PTPN4: variants seen among roughly 807,000 people sequenced by gnomAD.
PTPN4 encodes protein tyrosine phosphatase non-receptor type 4, also known as tyrosine-protein phosphatase non-receptor type 4.
In PTPN4, 49 loss-of-function variants were observed where a neutral mutation model predicts 135.5. The observed-to-expected ratio is 0.36, with a 90% CI of 0.29 to 0.46. The LOEUF is 0.46. PTPN4 is among the 20% of genes least tolerant of loss of function. The probability of loss-of-function intolerance (pLI) is 1.00; values close to 1 mark genes in which losing one functional copy is unlikely to be tolerated. For synonymous variants in PTPN4, 333 were observed against 369.9 expected (o/e 0.90, Z 1.14); for missense variants, 860 against 1,101.0 (o/e 0.78, Z 3.10).
chr2:119,774,729 TAAG>T (rs1690799217), intron 1 of PTPN4, among the ~76,000 whole-genome samples: 1 of 151,612 alleles, frequency 6.6e-6, no homozygotes, highest in Non-Finnish European at 1.5e-5. Context: ...TAGGCACCCT[TAAG>T]AAAATCACTG....
rs551776904 is a variant in PTPN4 at position 119,948,394 on chromosome 2, A to G, written c.1656+1820A>G. Among the ~76,000 whole-genome samples, 21 of 152,252 alleles carry G rather than the reference A, an allele frequency of 1.4e-4. No individual in the cohort carries two copies. The East Asian group carries it at 3.9e-3, about 28-fold the overall frequency. ...CTTAACAGTCTTATAAACCTAGTCA[A>G]ATCTTTTAATGGTGTGATTTATAAC... On this transcript the variant is annotated intron_variant, in intron 18 of 26. Transcript: ENST00000263708.
In PTPN4 at chr2:119,984,209, T is replaced by G. The variant is rs1322966721; in HGVS notation, c.*7139T>G. Among the ~76,000 whole-genome samples, 4 of 152,228 alleles carry G rather than the reference T, an allele frequency of 2.6e-5. No individual in the cohort carries two copies. Among genetic ancestry groups the G allele is most frequent in the Admixed American group, 2.0e-4 (3 of 15,282 alleles). ...AGTGTAGGCTTAATTTTAGAACCGA[T>G]AATTTACTATATCTGCATTATTGAT... On this transcript the variant is annotated 3_prime_UTR_variant, in exon 27 of 27. Coordinates refer to ENST00000263708, the MANE Select transcript of PTPN4 (RefSeq NM_002830.4).
chr2:119,766,379 C>G (rs1392729561), intron 1 of PTPN4, among the ~76,000 whole-genome samples: 1 of 152,032 alleles, frequency 6.6e-6, no homozygotes, highest in East Asian at 1.9e-4. Context: ...TCACCTTCCT[C>G]TTTCTCTCTC....
At chr2:119,909,740 G>T (rs559772100) in intron 10 of PTPN4, among the ~76,000 whole-genome samples, 1 of 152,148 alleles carries the variant, frequency 6.6e-6, no homozygotes, top group Non-Finnish European at 1.5e-5. Context: ...ATGATTCATG[G>T]TAGAAGGTCA....
chr2:119,807,503 C>T (rs937145815), intron 1 of PTPN4, among the ~76,000 whole-genome samples: 2 of 152,162 alleles, frequency 1.3e-5, no homozygotes, highest in African/African-American at 4.8e-5. Flanking sequence ...TGGGCACATA[C>T]ACCCTCCCAA....
At chr2:119,836,078 AAAAAG>A (rs201724266) in intron 2 of PTPN4, among the ~76,000 whole-genome samples, 3,844 of 152,060 alleles carry the variant, frequency 0.025, 134 homozygotes, top group African/African-American at 0.077. Flanking sequence ...CAAAAAAAAA[AAAAAG>A]AAAGAAATAT....
intron 1 of PTPN4, among the ~76,000 whole-genome samples, chr2:119,760,733 CTTTT>C (rs59953430): frequency 0.026 from 2,076 of 79,866 alleles, 37 homozygotes; most frequent in African/African-American, 0.093. Context: ...GGTAGAATTC[CTTTT>C]TTTTTTTTTT....
At chr2:119,793,159 T>C (rs1282476345) in intron 1 of PTPN4, among the ~76,000 whole-genome samples, 1 of 152,174 alleles carries the variant, frequency 6.6e-6, no homozygotes, top group Admixed American at 6.5e-5. Context: ...GCGTGTTTCA[T>C]CCTTACCTAC....
chr2:119,792,118 C>T (rs570505480), intron 1 of PTPN4, among the ~76,000 whole-genome samples: 247 of 152,092 alleles, frequency 1.6e-3, no homozygotes, highest in Non-Finnish European at 2.7e-3. Context: ...GTAGAAAGTT[C>T]GATTTATGAT....
At chr2:119,905,225 G>A (rs952920546) in intron 10 of PTPN4, among the ~76,000 whole-genome samples, 6 of 152,038 alleles carry the variant, frequency 3.9e-5, no homozygotes, top group East Asian at 1.9e-4. Context: ...AAAGAAGACC[G>A]AATTCTATGC....
At chr2:119,965,469 A>G (rs754695715) in intron 24 of PTPN4, 28 bp from the exon 25 acceptor site, 2 of 1,580,982 alleles carry the variant, frequency 1.3e-6, no homozygotes, top group Non-Finnish European at 1.7e-6. Flanking sequence ...ACATAAGTCA[A>G]GGTGCATAAT....
At chr2:119,878,907 C>A (rs1439255584) in intron 5 of PTPN4, among the ~76,000 whole-genome samples, 4 of 151,618 alleles carry the variant, frequency 2.6e-5, no homozygotes, top group Non-Finnish European at 5.9e-5. Context: ...TCCTGGCTAA[C>A]ACGGTGAAAC....
rs549388165 is a variant in PTPN4 at position 119,906,454 on chromosome 2, G to A, written c.764+5648G>A. Among the ~76,000 whole-genome samples, 27 of 151,924 alleles carry A rather than the reference G, an allele frequency of 1.8e-4. No individual in the cohort carries two copies. The East Asian group carries it at 3.9e-3, about 22-fold the overall frequency. On this transcript the variant is annotated intron_variant, in intron 10 of 26. Coordinates refer to ENST00000263708, the MANE Select transcript of PTPN4 (RefSeq NM_002830.4). ...TACGTGAAAAAGAAACATTTTTCAC[G>A]TATCTACACGTGATCAAGTGGAGTT... is the stretch of plus-strand genomic sequence containing the variant.
At chr2:119,895,774 A>G (rs1490167147) in intron 9 of PTPN4, among the ~76,000 whole-genome samples, 2 of 151,884 alleles carry the variant, frequency 1.3e-5, no homozygotes, top group East Asian at 3.9e-4. Flanking sequence ...ACAAAAAATT[A>G]GCTGGGCGCG....
In PTPN4 at chr2:119,943,572, AT is replaced by A. The variant is rs1248902057; in HGVS notation, c.1356-1502del. Among the ~76,000 whole-genome samples, 100 of 96,996 alleles carry A rather than the reference AT, an allele frequency of 1.0e-3. No individual in the cohort carries two copies. The Middle Eastern group carries it at 0.02, about 19-fold the overall frequency. 63.6% of individuals were successfully genotyped at this position (96,996 alleles called of 152,430 possible). ...GCATAATGAAATCATAAGCTGTTTC[AT>A]TTTTTTCTTTTTTTTTTTTTTTTTT... On this transcript the variant is annotated intron_variant, in intron 15 of 26. Transcript: ENST00000263708.
chr2:119,863,805 C>T (rs939492993), intron 3 of PTPN4, among the ~76,000 whole-genome samples: 1 of 152,082 alleles, frequency 6.6e-6, no homozygotes, highest in African/African-American at 2.4e-5. Flanking sequence ...AATAAACTTT[C>T]CTCATACTTT....
At chr2:119,954,461 G>A (rs1410291791) in intron 19 of PTPN4, among the ~76,000 whole-genome samples, 1 of 152,170 alleles carries the variant, frequency 6.6e-6, no homozygotes, top group Non-Finnish European at 1.5e-5. Context: ...CTCTCAAGGT[G>A]GGTTCACATG....
At chr2:119,769,788 A>G (rs1690701529) in intron 1 of PTPN4, among the ~76,000 whole-genome samples, 1 of 152,264 alleles carries the variant, frequency 6.6e-6, no homozygotes, top group Non-Finnish European at 1.5e-5. Flanking sequence ...AGCAACACCT[A>G]CTATCAAAAA....
chr2:119,834,507 T>C (rs1677262867), intron 2 of PTPN4, among the ~76,000 whole-genome samples: 1 of 152,010 alleles, frequency 6.6e-6, no homozygotes, highest in Non-Finnish European at 1.5e-5. Flanking sequence ...TAGTCTGCCA[T>C]ATTGCTGGAA....
Sources: gnomAD v4.1 joint callset for allele counts (sites outside exome capture counted in the v4.1 genomes callset) on GRCh38, gnomAD v4.1.1 for gene constraint, MANE v1.5 for transcripts, NCBI Gene and HGNC (gene_info 2026-07-23, HGNC 2026-07-21) for gene names.